The following PLCL1 variants were observed in gnomAD, a reference collection of about 807,000 sequenced individuals.
PLCL1 encodes the protein phospholipase C like 1 (inactive).
Under a neutral mutation model 84.4 loss-of-function variants are expected in PLCL1, and 41 were observed. That is an observed-to-expected ratio of 0.49 (90% CI 0.38 to 0.63). PLCL1 has a LOEUF of 0.63. Ranked by LOEUF, PLCL1 falls within the 30% of genes least tolerant of loss-of-function variation. The probability of loss-of-function intolerance (pLI) is 0.00; values close to 1 mark genes in which losing one functional copy is unlikely to be tolerated. For missense variants in PLCL1, 1,206 were observed against 1,367.8 expected, an observed-to-expected ratio of 0.88 and a Z score of 1.87; for synonymous variants, 490 against 488.3, an observed-to-expected ratio of 1.00 and a Z score of -0.05.
chr2:198,033,995 T>A (rs907866626), intron 1 of PLCL1, among the ~76,000 whole-genome samples: 2 of 152,164 alleles, frequency 1.3e-5, no homozygotes, highest in Non-Finnish European at 2.9e-5. Flanking sequence ...TTATTAGCTT[T>A]TTCTTTTCTT....
At position 198,086,189 on chromosome 2, in the gene PLCL1, T is replaced by C; in HGVS notation, c.2672T>C (p.Val891Ala). Residue 891 changes from valine to alanine, a missense_variant, in exon 2 of 6, where the codon GTT becomes GCT. Transcript: ENST00000428675. The part of the protein sequence containing the change: ...KTIDDIFKIA[V>A]HPLREAIDMR... ...ATTGATGACATCTTTAAAATAGCGG[T>C]TCATCCATTACGAGAAGCCATAGAT... 6.2e-7 allele frequency: 1 copy of C among 1,613,762 alleles called. No homozygotes were observed. Among genetic ancestry groups the C allele is most frequent in the Non-Finnish European group, 8.5e-7 (1 of 1,179,730 alleles).
intron 5 of PLCL1, among the ~76,000 whole-genome samples, chr2:198,110,408 T>A (rs1020082122): frequency 1.3e-5 from 2 of 151,914 alleles, no homozygotes; most frequent in African/African-American, 2.4e-5. Context: ...GCAGATTCCC[T>A]CACTGAATTC....
intron 1 of PLCL1, among the ~76,000 whole-genome samples, chr2:197,927,839 A>G (rs1027167823): frequency 6.6e-6 from 1 of 152,168 alleles, no homozygotes; most frequent in Non-Finnish European, 1.5e-5. Flanking sequence ...GTTTCTCAGG[A>G]ATAACCCAAA....
chr2:198,099,495 A>G (rs1693279744), intron 3 of PLCL1, among the ~76,000 whole-genome samples: 1 of 152,154 alleles, frequency 6.6e-6, no homozygotes, highest in South Asian at 2.1e-4. Flanking sequence ...TCTCAATACA[A>G]TAGAAGCTGT....
At chr2:198,021,682 A>G (rs1275476088) in intron 1 of PLCL1, among the ~76,000 whole-genome samples, 1 of 152,176 alleles carries the variant, frequency 6.6e-6, no homozygotes, top group Non-Finnish European at 1.5e-5. Context: ...CACCCTCCCA[A>G]GACTAAACCA....
chr2:197,930,203 A>T (rs1688905794), intron 1 of PLCL1, among the ~76,000 whole-genome samples: 1 of 152,216 alleles, frequency 6.6e-6, no homozygotes, highest in Non-Finnish European at 1.5e-5. Context: ...CTTTCATAAG[A>T]CTTACCACAT....
chr2:198,091,761 A>G (rs926199556), intron 3 of PLCL1, among the ~76,000 whole-genome samples: 1 of 143,410 alleles, frequency 7.0e-6, no homozygotes, highest in African/African-American at 2.7e-5. Flanking sequence ...AAAATAAAAT[A>G]AAAACATAGA....
intron 1 of PLCL1, among the ~76,000 whole-genome samples, chr2:197,902,509 T>C (rs1458851534): frequency 6.6e-6 from 1 of 152,184 alleles, no homozygotes; most frequent in African/African-American, 2.4e-5. Flanking sequence ...GCTACAGCTA[T>C]ACAGGAAAAA....
intron 1 of PLCL1, among the ~76,000 whole-genome samples, chr2:197,999,923 G>A (rs1044160996): frequency 6.6e-6 from 1 of 152,168 alleles, no homozygotes; most frequent in African/African-American, 2.4e-5. Flanking sequence ...CGTAGGTAGT[G>A]CAGTCACACA....
chr2:197,852,428 T>C (rs1687256464), intron 1 of PLCL1, among the ~76,000 whole-genome samples: 1 of 152,214 alleles, frequency 6.6e-6, no homozygotes, highest in South Asian at 2.1e-4. Flanking sequence ...ATCTCTATGC[T>C]TGGAATGGCA....
chr2:197,866,683 G>A (rs567355440), intron 1 of PLCL1, among the ~76,000 whole-genome samples: 1 of 152,232 alleles, frequency 6.6e-6, no homozygotes. Flanking sequence ...TAATTCTGAA[G>A]CTGTGTTTTG....
chr2:198,119,569 A>G (rs1693823324), intron 5 of PLCL1, among the ~76,000 whole-genome samples: 1 of 151,762 alleles, frequency 6.6e-6, no homozygotes, highest in Non-Finnish European at 1.5e-5. Context: ...GCTCCTCTTC[A>G]TCACTCACAT....
chr2:198,086,222 A>C lies in PLCL1; in HGVS notation c.2705A>C (p.Glu902Ala), dbSNP rs1258449339. 1.3e-6 allele frequency: 2 copies of C among 1,598,132 alleles called. No homozygotes were observed. Among genetic ancestry groups the C allele is most frequent in the Non-Finnish European group, 1.7e-6 (2 of 1,169,800 alleles). Residue 902 changes from glutamate to alanine, a missense_variant, in exon 2 of 6, where the codon GAA (glutamate) becomes GCA (alanine). Transcript: ENST00000428675. Reference protein sequence around the residue: ...HPLREAIDMRENMQNAIVSIK... With the variant: ...HPLREAIDMRANMQNAIVSIK... ...TTACGAGAAGCCATAGATATGAGAG[A>C]AAATATGCAGGTAGGAGAAACACTC...
intron 2 of PLCL1, among the ~76,000 whole-genome samples, 187 bp downstream of exon 2, chr2:198,086,419 G>C (rs1196278340): frequency 6.6e-6 from 1 of 152,124 alleles, no homozygotes; most frequent in Non-Finnish European, 1.5e-5. Context: ...CCAGGAGTTC[G>C]AGGCCAGCTT....
intron 5 of PLCL1, among the ~76,000 whole-genome samples, chr2:198,140,594 A>G (rs1694363110): frequency 1.3e-5 from 2 of 152,158 alleles, no homozygotes; most frequent in South Asian, 4.1e-4. Flanking sequence ...AAATGTGGTA[A>G]AAGAAGATCT....
chr2:198,038,179 A>G lies in PLCL1; in HGVS notation c.241-45579A>G, dbSNP rs144535042. Among the ~76,000 whole-genome samples, 716 of 152,290 alleles carry G rather than the reference A, an allele frequency of 4.7e-3. 7 individuals are homozygous for G. The highest frequency in any genetic ancestry group is 0.017 in the Middle Eastern group (5 of 294). ...TTTGTTCTAGAGAGAGAGAGAATTAAAGAGAAGACTTCACAAAGCAAAGTG... is the reference window on the plus strand; with the variant it reads ...TTTGTTCTAGAGAGAGAGAGAATTAGAGAGAAGACTTCACAAAGCAAAGTG... On this transcript the variant is annotated intron_variant, in intron 1 of 5. Coordinates refer to ENST00000428675, the MANE Select transcript of PLCL1 (RefSeq NM_006226.4).
chr2:197,870,474 A>T (rs1687630574), intron 1 of PLCL1, among the ~76,000 whole-genome samples: 1 of 151,948 alleles, frequency 6.6e-6, no homozygotes, highest in Admixed American at 6.6e-5. Context: ...GGGACTAGAG[A>T]TGGACATTTT....
intron 1 of PLCL1, among the ~76,000 whole-genome samples, chr2:197,947,855 G>T (rs556771193): frequency 6.6e-6 from 1 of 152,290 alleles, no homozygotes; most frequent in Non-Finnish European, 1.5e-5. Flanking sequence ...CTACTAAGCA[G>T]CAAAGGCTGA....
chr2:197,944,620 G>T lies in PLCL1; in HGVS notation c.241-139138G>T, dbSNP rs569025898. Among the ~76,000 whole-genome samples the T allele has an allele frequency of 1.0e-3, 158 of 152,260 alleles. 2 individuals carry two copies. The highest frequency in any genetic ancestry group is 3.7e-3 in the African/African-American group (155 of 41,544). The stretch of plus-strand genomic sequence containing the variant: ...ATTGATTTCAAGCTAAGAATGTGAG[G>T]TCACTGCAAAGTTGGAAAGAAACGT... On this transcript the variant is annotated intron_variant, in intron 1 of 5. Coordinates refer to ENST00000428675, the MANE Select transcript of PLCL1 (RefSeq NM_006226.4).
Sources: allele counts gnomAD v4.1 joint callset (sites outside exome capture counted in the v4.1 genomes callset), GRCh38; gene constraint gnomAD v4.1.1; transcripts MANE v1.5; gene names NCBI Gene and HGNC (gene_info 2026-07-23, HGNC 2026-07-21).